Variants in MTHFD1L observed in about 807,000 individuals in gnomAD.
MTHFD1L encodes the protein methylenetetrahydrofolate dehydrogenase (NADP+ dependent) 1 like.
Under a neutral mutation model 119.5 loss-of-function variants are expected in MTHFD1L, and 81 were observed. That is an observed-to-expected ratio of 0.68 (90% CI 0.57 to 0.82). The LOEUF (loss-of-function observed/expected upper bound fraction) is 0.82, where lower values mean the gene tolerates loss of function less well. Among genes scored for constraint, MTHFD1L ranks in the 40% least tolerant of loss-of-function variants. The probability of loss-of-function intolerance (pLI) is 0.00; values close to 1 mark genes in which losing one functional copy is unlikely to be tolerated. For synonymous variants in MTHFD1L, 430 were observed against 475.2 expected (o/e 0.90, Z 1.24); for missense variants, 1,125 against 1,253.4 (o/e 0.90, Z 1.55).
rs552899969 is a variant in MTHFD1L, at chr6:150,877,515, G to A, written c.313-119G>A. On this transcript the variant is annotated intron_variant, in intron 2 of 27. Transcript: ENST00000367321. ...TTATAAGCAGCAAGATTGTTTTTCT[G>A]CACCTTCCATATTATCTTTGTAATT... The A allele has an allele frequency of 6.2e-5, 70 of 1,129,800 alleles. No homozygotes were observed. The South Asian group carries it at 9.5e-4, about 15-fold the overall frequency. 70.0% of individuals were successfully genotyped at this position (1,129,800 alleles called of 1,614,324 possible).
In MTHFD1L at chr6:151,082,837, G is replaced by A. The variant is rs568861763; in HGVS notation, c.2848-9630G>A. Among the ~76,000 whole-genome samples the A allele has an allele frequency of 1.8e-3, 271 of 152,280 alleles. 1 individual carries two copies. Among genetic ancestry groups the A allele is most frequent in the African/African-American group, 5.3e-3 (222 of 41,560 alleles). On this transcript the variant is annotated intron_variant, in intron 26 of 27. Transcript: ENST00000367321. ...AATCAAAAAAAACAAAACAAAAGAA[G>A]TGAAGGCTGAGCGAAGTAACTCACC...
At chr6:150,962,321 C>A (rs1796567868) in intron 18 of MTHFD1L, among the ~76,000 whole-genome samples, 1 of 152,162 alleles carries the variant, frequency 6.6e-6, no homozygotes. Flanking sequence ...TGATAAAAAT[C>A]TTGGATCTGG....
At chr6:150,909,926 A>G (rs1377166153) in intron 8 of MTHFD1L, among the ~76,000 whole-genome samples, 1 of 152,188 alleles carries the variant, frequency 6.6e-6, no homozygotes, top group Non-Finnish European at 1.5e-5. Context: ...CATGCCTGTA[A>G]TCCCAGCACT....
At chr6:151,092,636 A>C in intron 27 of MTHFD1L, 49 bp downstream of exon 27, 1 of 1,182,746 alleles carries the variant, frequency 8.5e-7, no homozygotes, top group Non-Finnish European at 1.2e-6. Context: ...TTTCCAGTTC[A>C]TATCCTTTTT....
chr6:150,876,408 A>G (rs1179935761), intron 2 of MTHFD1L, among the ~76,000 whole-genome samples: 1 of 152,162 alleles, frequency 6.6e-6, no homozygotes, highest in East Asian at 1.9e-4. Flanking sequence ...TCAGAGGTCT[A>G]GGAGGTAAGC....
intron 7 of MTHFD1L, among the ~76,000 whole-genome samples, chr6:150,895,943 G>A (rs930013312): frequency 1.3e-5 from 2 of 152,082 alleles, no homozygotes; most frequent in Non-Finnish European, 2.9e-5. Context: ...TGGCTACTCT[G>A]AACCAGGCAC....
chr6:151,007,541 T>G (rs571970667), intron 20 of MTHFD1L, among the ~76,000 whole-genome samples: 1 of 152,322 alleles, frequency 6.6e-6, no homozygotes, highest in East Asian at 1.9e-4. Context: ...CACTTAACCC[T>G]TCCAACAAGG....
At chr6:150,945,355 T>C in intron 14 of MTHFD1L, 112 bp from the exon 15 acceptor site, 1 of 781,356 alleles carries the variant, frequency 1.3e-6, no homozygotes, top group Non-Finnish European at 2.1e-6. Flanking sequence ...TAGGGTCTTT[T>C]ATCTAAATAG....
chr6:150,967,497 C>T (rs1797389371), intron 19 of MTHFD1L, among the ~76,000 whole-genome samples: 1 of 152,202 alleles, frequency 6.6e-6, no homozygotes, highest in African/African-American at 2.4e-5. Context: ...TTCAGACTTG[C>T]AGGTATAGTT....
In MTHFD1L at chr6:151,027,695, G is replaced by T. The variant is rs180991015; in HGVS notation, c.2587-6798G>T. On this transcript the variant is annotated intron_variant, in intron 24 of 27. Coordinates refer to ENST00000367321, the MANE Select transcript of MTHFD1L (RefSeq NM_015440.5). ...AAATCAAGCAGATTAACCATAGGAA[G>T]TTCCTTGCCTGCTAACAGAATATAA... Among the ~76,000 whole-genome samples, 6 of 150,856 alleles carry T rather than the reference G, an allele frequency of 4.0e-5. No individual in the cohort carries two copies. In the East Asian group the frequency reaches 9.8e-4, roughly 25 times the overall value.
Position 151,015,496 on chromosome 6 carries a change from A to G in MTHFD1L, c.2409-20A>G. 1.9e-6 allele frequency: 3 copies of G among 1,592,830 alleles called. No homozygotes were observed. The highest frequency in any genetic ancestry group is 2.6e-6 in the Non-Finnish European group (3 of 1,170,226). ...GCTAAATGGATACAGATGCAAAACC[A>G]CAAACATTTTCTTCACTAGGACCGA... is the stretch of plus-strand genomic sequence containing the variant. On this transcript the variant is annotated intron_variant, in intron 23 of 27. Coordinates refer to ENST00000367321, the MANE Select transcript of MTHFD1L (RefSeq NM_015440.5).
intron 13 of MTHFD1L, among the ~76,000 whole-genome samples, chr6:150,940,551 G>A (rs748422258): frequency 4.6e-5 from 7 of 151,576 alleles, no homozygotes; most frequent in Non-Finnish European, 8.8e-5. Context: ...CATCAGCTGC[G>A]TGGCTTGGAG....
intron 20 of MTHFD1L, among the ~76,000 whole-genome samples, chr6:150,977,600 G>A (rs937816904): frequency 5.3e-5 from 8 of 152,216 alleles, no homozygotes; most frequent in Admixed American, 1.3e-4. Flanking sequence ...GCAGTATTGA[G>A]TTCCTGGATT....
At chr6:151,041,709 C>G in intron 26 of MTHFD1L, 1 of 472,092 alleles carries the variant, frequency 2.1e-6, no homozygotes, top group Non-Finnish European at 4.3e-6. Context: ...TAAATAAAAC[C>G]ATACAGGCAC....
chr6:150,922,923 C>T (rs803457), intron 10 of MTHFD1L, among the ~76,000 whole-genome samples: 53,074 of 151,940 alleles, frequency 0.35, 9,455 homozygotes, highest in East Asian at 0.56. Flanking sequence ...GGATTACAGG[C>T]GTGAGCGACC....
chr6:150,914,098 C>G (rs529367307), intron 8 of MTHFD1L, among the ~76,000 whole-genome samples: 2 of 152,168 alleles, frequency 1.3e-5, no homozygotes, highest in Non-Finnish European at 2.9e-5. Flanking sequence ...CCACTGCACT[C>G]CAGCCTGGGC....
chr6:151,023,491 G>A (rs541690941), intron 24 of MTHFD1L, among the ~76,000 whole-genome samples: 1 of 152,056 alleles, frequency 6.6e-6, no homozygotes, highest in Non-Finnish European at 1.5e-5. Context: ...AGCCTGCCAG[G>A]CACGTCATTC....
chr6:150,944,363 G>C, intron 13 of MTHFD1L, 123 bp from the exon 14 acceptor site: 1 of 700,994 alleles, frequency 1.4e-6, no homozygotes, highest in Non-Finnish European at 2.5e-6. Context: ...TGAGAGGATT[G>C]CTTGAGCCCA....
intron 7 of MTHFD1L, among the ~76,000 whole-genome samples, chr6:150,903,435 G>C (rs1309689293): frequency 2.6e-5 from 4 of 151,870 alleles, no homozygotes; most frequent in Admixed American, 6.6e-5. Flanking sequence ...TTTTGTTTTT[G>C]AGACAGGGTC....
Sources: allele counts gnomAD v4.1 joint callset (sites outside exome capture counted in the v4.1 genomes callset), GRCh38; gene constraint gnomAD v4.1.1; transcripts MANE v1.5; gene names NCBI Gene and HGNC (gene_info 2026-07-23, HGNC 2026-07-21).